KMT2A: variants seen among roughly 807,000 people sequenced by gnomAD.
KMT2A encodes lysine methyltransferase 2A, also known as histone-lysine N-methyltransferase 2A.
A neutral mutation model predicts 345.3 loss-of-function variants in KMT2A; 16 were observed. The observed-to-expected ratio is 0.05, with a 90% CI of 0.03 to 0.07. The LOEUF (loss-of-function observed/expected upper bound fraction) is 0.07, where lower values mean the gene tolerates loss of function less well. Ranked by LOEUF, KMT2A falls within the 10% of genes least tolerant of loss-of-function variation. The pLI is 1.00. For missense variants in KMT2A, 3,272 were observed against 4,841.6 expected, an observed-to-expected ratio of 0.68 and a Z score of 9.62; for synonymous variants, 1,599 against 1,778.6, an observed-to-expected ratio of 0.90 and a Z score of 2.54.
intron 31 of KMT2A, chr11:118,512,249 A>G (rs2134440172): frequency 1.8e-6 from 1 of 561,718 alleles, no homozygotes; most frequent in East Asian, 3.0e-5. Flanking sequence ...ATAATTCTAG[A>G]ACATTCTCAT....
intron 1 of KMT2A, among the ~76,000 whole-genome samples, chr11:118,456,425 G>A (rs1445397797): frequency 6.6e-6 from 1 of 151,310 alleles, no homozygotes; most frequent in African/African-American, 2.4e-5. Flanking sequence ...TGCAACCTCC[G>A]CCTCCTGGGC....
intron 1 of KMT2A, among the ~76,000 whole-genome samples, chr11:118,437,681 C>G (rs570387924): frequency 5.3e-5 from 8 of 151,476 alleles, no homozygotes; most frequent in African/African-American, 1.2e-4. Flanking sequence ...CTCTTCCCCC[C>G]CCCGCCCCGT....
chr11:118,501,751 C>T lies in KMT2A; in HGVS notation c.6399C>T (p.Thr2133=). 6.2e-7 allele frequency: 1 copy of T among 1,614,094 alleles called. No homozygotes were observed. Among genetic ancestry groups the T allele is most frequent in the Non-Finnish European group, 8.5e-7 (1 of 1,179,966 alleles). The part of the protein sequence containing the change: ...PSPDRPPHSQ[T]SGSCYYHVIS... ...CAGACCGACCTCCTCATTCACAAACCTCTGGCTCCTGTTATTATCATGTCA... is the reference window on the plus strand; with the variant it reads ...CAGACCGACCTCCTCATTCACAAACTTCTGGCTCCTGTTATTATCATGTCA... Residue 2133 remains threonine, a synonymous_variant, in exon 26 of 36, where the codon ACC becomes ACT. Transcript: ENST00000534358.
rs1484508898 is a variant in KMT2A, at chr11:118,497,276, TAC to T, written c.5665-658_5665-657del. Among the ~76,000 whole-genome samples, 1 of 152,202 alleles carries T rather than the reference TAC, an allele frequency of 6.6e-6. No homozygotes were observed. Among genetic ancestry groups the T allele is most frequent in the Non-Finnish European group, 1.5e-5 (1 of 68,040 alleles). On this transcript the variant is annotated intron_variant, in intron 20 of 35. Coordinates refer to ENST00000534358, the MANE Select transcript of KMT2A (RefSeq NM_001197104.2). The surrounding 1 kb of genome is among the most constrained non-coding windows in gnomAD (Gnocchi z 4.8). Reference sequence around the variant, plus strand: ...ACCTCATATCCCAAAGTGGTGGGATTACAGGCGTGAGCCACCGTGCCCGGCCA... The same window carrying T: ...ACCTCATATCCCAAAGTGGTGGGATTAGGCGTGAGCCACCGTGCCCGGCCA...
rs1382569885 is a variant in KMT2A at position 118,477,927 on chromosome 11, T to C, written c.3335-40T>C. ...GTACCAATTAAAACCAGGTTTGAAT[T>C]CAGTACTCCCTTGGAACTAATGCCA... is the stretch of plus-strand genomic sequence containing the variant. On this transcript the variant is annotated intron_variant, in intron 4 of 35. Coordinates refer to ENST00000534358, the MANE Select transcript of KMT2A (RefSeq NM_001197104.2). 3 of 1,498,192 alleles carry C rather than the reference T, an allele frequency of 2.0e-6. No individual in the cohort carries two copies. The Admixed American group carries it at 5.5e-5, about 27-fold the overall frequency. 92.8% of individuals were successfully genotyped at this position (1,498,192 alleles called of 1,614,324 possible). A position where few individuals can be genotyped will look rare whatever the true frequency, so the allele number is the denominator to read the frequency against.
chr11:118,501,613 A>T, intron 25 of KMT2A, 59 bp from the exon 26 acceptor site: 1 of 1,414,508 alleles, frequency 7.1e-7, no homozygotes, highest in Non-Finnish European at 9.7e-7. Flanking sequence ...TTTATTGGTT[A>T]ATTTGTTTGA....
Position 118,521,411 on chromosome 11 carries a change from C to T in KMT2A, c.11637C>T (p.Asp3879=). The change falls in exon 35 of 36, where the codon GAC becomes GAT. Residue 3879 remains aspartate, a synonymous_variant. Coordinates refer to ENST00000534358, the MANE Select transcript of KMT2A (RefSeq NM_001197104.2). The surrounding 1 kb of genome is among the most constrained non-coding windows in gnomAD (Gnocchi z 5.3). ...IQTDKREKYY[D]SKGIGCYMFR... is the part of the protein sequence containing the mutation. The stretch of plus-strand genomic sequence containing the variant: ...CTGACAAGCGGGAAAAGTATTACGA[C>T]AGCAAGGTAAGTCTCCCACTTGCAC... The T allele has an allele frequency of 6.2e-7, 1 of 1,614,080 alleles. No individual in the cohort carries two copies. The highest frequency in any genetic ancestry group is 1.1e-5 in the South Asian group (1 of 91,066).
Position 118,521,438 on chromosome 11 carries a change from C to T in KMT2A, c.11643+21C>T, listed in dbSNP as rs760983904. 103 of 1,612,738 alleles carry T rather than the reference C, an allele frequency of 6.4e-5. No individual in the cohort carries two copies. Among genetic ancestry groups the T allele is most frequent in the Non-Finnish European group, 3.8e-5 (45 of 1,179,048 alleles). On this transcript the variant is annotated intron_variant, in intron 35 of 35. Transcript: ENST00000534358. The surrounding 1 kb of genome is among the most constrained non-coding windows in gnomAD (Gnocchi z 5.3). ...GCAAGGTAAGTCTCCCACTTGCACTCACACAGTTCTTTTGTTTTGCTGTAG... is the reference window on the plus strand; with the variant it reads ...GCAAGGTAAGTCTCCCACTTGCACTTACACAGTTCTTTTGTTTTGCTGTAG...
chr11:118,506,131 G>T lies in KMT2A; in HGVS notation c.10239G>T (p.Gly3413=). The T allele has an allele frequency of 6.2e-7, 1 of 1,614,166 alleles. No homozygotes were observed. Among genetic ancestry groups the T allele is most frequent in the Middle Eastern group, 1.6e-4 (1 of 6,062 alleles). The change falls in exon 27 of 36, where the codon GGG becomes GGT. Residue 3413 remains glycine, a synonymous_variant. Coordinates refer to ENST00000534358, the MANE Select transcript of KMT2A (RefSeq NM_001197104.2). The part of the protein sequence containing the change: ...PPSSGMFPQL[G]TSQTPSTAAI... Reference sequence around the variant, plus strand: ...GTTCAGGAATGTTTCCACAACTGGGGACATCACAGACCCCCTCTACTGCTG... The same window carrying T: ...GTTCAGGAATGTTTCCACAACTGGGTACATCACAGACCCCCTCTACTGCTG...
rs1306542621 is a variant in KMT2A, at chr11:118,525,084, C to G, written c.*2912C>G. On this transcript the variant is annotated 3_prime_UTR_variant, in exon 36 of 36. Coordinates refer to ENST00000534358, the MANE Select transcript of KMT2A (RefSeq NM_001197104.2). ...CTTGGGGGAATAAGCGAAGGTTTCCCTACAAGAGGGAAAGAAGGCAAAAAC... is the reference window on the plus strand; with the variant it reads ...CTTGGGGGAATAAGCGAAGGTTTCCGTACAAGAGGGAAAGAAGGCAAAAAC... The G allele has an allele frequency of 9.1e-6, 2 of 219,226 alleles. No individual in the cohort carries two copies. Among genetic ancestry groups the G allele is most frequent in the Non-Finnish European group, 1.8e-5 (2 of 109,016 alleles). The allele number at this position is 219,226 out of a possible 1,614,324, so 13.6% of individuals were successfully genotyped here.
rs1482622738 is a variant in KMT2A at position 118,436,989 on chromosome 11, C to T, written c.432+45C>T. The T allele has an allele frequency of 1.5e-6, 2 of 1,377,462 alleles. No homozygotes were observed. Among genetic ancestry groups the T allele is most frequent in the Non-Finnish European group, 9.5e-7 (1 of 1,054,716 alleles). 85.3% of individuals were successfully genotyped at this position (1,377,462 alleles called of 1,614,324 possible). On this transcript the variant is annotated intron_variant, in intron 1 of 35. Coordinates refer to ENST00000534358, the MANE Select transcript of KMT2A (RefSeq NM_001197104.2). The surrounding 1 kb of genome is among the most constrained non-coding windows in gnomAD (Gnocchi z 6.9). ...CCAGGTCCGGGGTCTCGACCCTCTG[C>T]GGAGCCCCCTCCCCTCCCCCATCCG...
intron 1 of KMT2A, among the ~76,000 whole-genome samples, chr11:118,456,344 CTT>C (rs879964617): frequency 2.1e-5 from 3 of 145,390 alleles, no homozygotes; most frequent in South Asian, 2.2e-4. Flanking sequence ...AAAAATGAAC[CTT>C]TTTTTTTTTT....
At position 118,504,277 on chromosome 11, in the gene KMT2A, G is replaced by A. The variant is rs1555047180; in HGVS notation, c.8385G>A (p.Gln2795=). The A allele has an allele frequency of 6.2e-7, 1 of 1,614,112 alleles. No individual in the cohort carries two copies. The highest frequency in any genetic ancestry group is 1.1e-5 in the South Asian group (1 of 91,082). Residue 2795 remains glutamine, a synonymous_variant, in exon 27 of 36, where the codon CAG becomes CAA. Transcript: ENST00000534358. The surrounding 1 kb of genome is among the most constrained non-coding windows in gnomAD (Gnocchi z 6.4). ...ATTCTGTAAGCAGAGTTAAAACACAGGGACAAGATTCCTTGGAAGCTCAGC... is the reference window on the plus strand; with the variant it reads ...ATTCTGTAAGCAGAGTTAAAACACAAGGACAAGATTCCTTGGAAGCTCAGC... ...NCHSVSRVKT[Q]GQDSLEAQLS...
chr11:118,516,864 C>T (rs946793492), intron 31 of KMT2A, among the ~76,000 whole-genome samples: 2 of 152,124 alleles, frequency 1.3e-5, no homozygotes, highest in African/African-American at 4.8e-5. Flanking sequence ...TAAGAACAGA[C>T]GGGGGCCCAC....
chr11:118,512,260 C>T (rs1950704206), intron 31 of KMT2A: 1 of 550,762 alleles, frequency 1.8e-6, no homozygotes, highest in Admixed American at 3.5e-5. Flanking sequence ...ACATTCTCAT[C>T]ATCCCTAAAA....
chr11:118,519,301 T>C (rs1950904075), intron 31 of KMT2A: 1 of 219,296 alleles, frequency 4.6e-6, no homozygotes, highest in Admixed American at 4.9e-5. Context: ...CCCTGTGTGG[T>C]CATTATGAGC....
intron 1 of KMT2A, among the ~76,000 whole-genome samples, chr11:118,453,470 T>C (rs1385262088): frequency 6.6e-6 from 1 of 152,150 alleles, no homozygotes; most frequent in African/African-American, 2.4e-5. Flanking sequence ...TTCAGTATTC[T>C]GTATGGCTTC....
In KMT2A at chr11:118,494,343, G is replaced by A; in HGVS notation, c.5234G>A (p.Gly1745Glu). Residue 1745 changes from glycine (G) to glutamate (E), a missense_variant, in exon 17 of 36, where the codon GGA (glycine) becomes GAA (glutamate). By Grantham distance (98) the Gly-to-Glu change is moderately conservative (BLOSUM62 -2). Transcript: ENST00000534358. This position sits in a 1 kb window ranked among gnomAD's most constrained non-coding sequence, Gnocchi z 5.8. ...ATTCAAGCAGCCATTAATTCAGATG[G>A]AGGACAGCCAGAAATTAAAAAAGCC... ...KIIQAAINSD[G>E]GQPEIKKANS... 6.2e-7 allele frequency: 1 copy of A among 1,611,568 alleles called. No homozygotes were observed. Among genetic ancestry groups the A allele is most frequent in the East Asian group, 2.2e-5 (1 of 44,850 alleles).
At position 118,501,841 on chromosome 11, in the gene KMT2A, A is replaced by G; in HGVS notation, c.6489A>G (p.Arg2163=). ...YSPTQRSPGC[R]PLPSAGSPTP... is the part of the protein sequence containing the mutation. ...CAACACAGAGATCCCCTGGCTGTCG[A>G]CCGTTGCCTTCTGCAGGTAAAAGAC... The change falls in exon 26 of 36, where the codon CGA becomes CGG. Residue 2163 remains arginine, a synonymous_variant. Coordinates refer to ENST00000534358, the MANE Select transcript of KMT2A (RefSeq NM_001197104.2). 6.2e-7 allele frequency: 1 copy of G among 1,612,738 alleles called. No homozygotes were observed. Among genetic ancestry groups the G allele is most frequent in the Non-Finnish European group, 8.5e-7 (1 of 1,179,550 alleles).
Sources: allele counts gnomAD v4.1 joint callset (sites outside exome capture counted in the v4.1 genomes callset), GRCh38; gene constraint gnomAD v4.1.1; non-coding constraint Gnocchi (gnomAD v3.1); transcripts MANE v1.5; gene names NCBI Gene and HGNC (gene_info 2026-07-23, HGNC 2026-07-21).